The following LMF1 variants were observed in gnomAD, a reference collection of about 807,000 sequenced individuals.
LMF1 encodes the protein transmembrane protein 112.
LMF1 carries 68 observed loss-of-function variants against 60.6 expected under a neutral mutation model. The ratio of observed to expected loss-of-function variants is 1.12; its 90% confidence interval spans 0.92 to 1.37. The LOEUF is 1.37. Ranked by LOEUF, LMF1 falls within the 40% of genes most tolerant of loss-of-function variation. The pLI, the probability that LMF1 is intolerant of heterozygous loss-of-function variation, is 0.00. For synonymous variants in LMF1, 418 were observed against 324.7 expected, an observed-to-expected ratio of 1.29 and a Z score of -3.09; for missense variants, 948 against 767.2, an observed-to-expected ratio of 1.24 and a Z score of -2.78.
At chr16:926,317 G>A (rs1236544779) in intron 3 of LMF1, among the ~76,000 whole-genome samples, 9 of 152,270 alleles carry the variant, frequency 5.9e-5, no homozygotes, top group South Asian at 2.1e-4. Context: ...ATGTATGTGC[G>A]TGTTTGCATA....
intron 5 of LMF1, among the ~76,000 whole-genome samples, chr16:889,921 C>CCCCTCTG (rs750961956): frequency 1.3e-5 from 2 of 152,198 alleles, no homozygotes; most frequent in Non-Finnish European, 2.9e-5. Flanking sequence ...CAGCTGAGGA[C>CCCCTCTG]CCCTCTGCCT....
intron 1 of LMF1, among the ~76,000 whole-genome samples, chr16:966,165 G>A (rs1258173814): frequency 6.6e-6 from 1 of 152,166 alleles, no homozygotes; most frequent in South Asian, 2.1e-4. Flanking sequence ...TCAGGACCAC[G>A]GTCAGGAAGA....
intron 10 of LMF1, among the ~76,000 whole-genome samples, chr16:863,099 A>C (rs150069951): frequency 1.3e-5 from 2 of 152,244 alleles, no homozygotes; most frequent in East Asian, 1.9e-4. Flanking sequence ...CCAAGTTATA[A>C]AATTTATGTA....
chr16:863,107 G>A (rs1204788605), intron 10 of LMF1, among the ~76,000 whole-genome samples: 1 of 152,194 alleles, frequency 6.6e-6, no homozygotes, highest in East Asian at 1.9e-4. Flanking sequence ...TAAAATTTAT[G>A]TATGTAGATG....
intron 5 of LMF1, among the ~76,000 whole-genome samples, chr16:885,890 A>G (rs944583085): frequency 1.3e-5 from 2 of 152,252 alleles, no homozygotes; most frequent in Admixed American, 6.5e-5. Context: ...ATCCTGACAG[A>G]ACACTGTCTG....
chr16:974,424 G>A (rs564551858), upstream of LMF1, among the ~76,000 whole-genome samples: 8 of 152,316 alleles, frequency 5.3e-5, no homozygotes, highest in Non-Finnish European at 1.0e-4. Context: ...AAGAGAAAAA[G>A]CCAGGCTGAC....
intron 2 of LMF1, among the ~76,000 whole-genome samples, chr16:953,990 CCAA>C (rs2072587546): frequency 3.1e-5 from 3 of 97,394 alleles, no homozygotes; most frequent in African/African-American, 7.7e-5. Context: ...CACAGACACC[CCAA>C]ACCAGCCTCC....
Position 871,333 on chromosome 16 carries a change from G to A in LMF1, c.906C>T (p.Leu302=), listed in dbSNP as rs779295746. 2.5e-6 allele frequency: 4 copies of A among 1,612,150 alleles called. No homozygotes were observed. The South Asian group carries it at 3.3e-5, about 13-fold the overall frequency. Reference sequence around the variant, plus strand: ...GGAAGCTGAGGTTCCCGCTGACGATGAGGACGGCCTGTGGAGACGCCGCAG... The same window carrying A: ...GGAAGCTGAGGTTCCCGCTGACGATAAGGACGGCCTGTGGAGACGCCGCAG... ...GVLQILFQAV[L]IVSGNLSFLN... The change falls in exon 7 of 11, where the codon CTC becomes CTT. Residue 302 remains leucine, a synonymous_variant. Transcript: ENST00000262301.
chr16:906,143 T>C (rs889550124), intron 4 of LMF1, among the ~76,000 whole-genome samples: 6 of 152,250 alleles, frequency 3.9e-5, no homozygotes, highest in African/African-American at 1.4e-4. Context: ...CTCAGTTGAA[T>C]TGACTTGGTG....
chr16:861,102 C>T (rs377191042), intron 10 of LMF1, among the ~76,000 whole-genome samples: 2 of 152,094 alleles, frequency 1.3e-5, no homozygotes, highest in East Asian at 1.9e-4. Context: ...TTCCAACCCA[C>T]GAACGCGGCC....
At position 878,088 on chromosome 16, in the gene LMF1, G is replaced by A. The variant is rs536042161; in HGVS notation, c.897+1482C>T. Among the ~76,000 whole-genome samples, 6 of 151,376 alleles carry A rather than the reference G, an allele frequency of 4.0e-5. No individual in the cohort carries two copies. Among genetic ancestry groups the A allele is most frequent in the South Asian group, 4.2e-4 (2 of 4,776 alleles). On this transcript the variant is annotated intron_variant, in intron 6 of 10. Transcript: ENST00000262301. This position sits in a 1 kb window ranked among gnomAD's most constrained non-coding sequence, Gnocchi z 5.2. ...AGCTATTCCAGGAGCCCCCAGACGC[G>A]CGTGGGGTCCAGCCACATGGAATCC...
intron 10 of LMF1, among the ~76,000 whole-genome samples, chr16:868,184 C>G (rs1212863748): frequency 6.6e-6 from 1 of 152,128 alleles, no homozygotes; most frequent in Non-Finnish European, 1.5e-5. Context: ...CGTCTCCAAT[C>G]CTCCATGCTC....
Position 938,394 on chromosome 16 carries a change from G to A in LMF1, c.504-4140C>T, listed in dbSNP as rs139781457. 3.6e-3 allele frequency among the ~76,000 whole-genome samples: 552 copies of A among 152,132 alleles called. 2 individuals carry two copies. The highest frequency in any genetic ancestry group is 5.2e-3 in the Non-Finnish European group (354 of 67,982). On this transcript the variant is annotated intron_variant, in intron 2 of 10. Transcript: ENST00000262301. ...GGGAAGGCAGGGATGGGGCTGGACG[G>A]CGGCTCGCGGGGACAGCAGGGATGG...
At chr16:860,695 ATTT>A (rs2069437040) in intron 10 of LMF1, among the ~76,000 whole-genome samples, 3 of 151,936 alleles carry the variant, frequency 2.0e-5, no homozygotes, top group Admixed American at 6.6e-5. Flanking sequence ...GTTTTGAGTT[ATTT>A]TTGTGTGGGG....
rs112782750 is a variant in LMF1 at position 857,373 on chromosome 16, C to A, written c.1530-2667G>T. Among the ~76,000 whole-genome samples, 408 of 152,354 alleles carry A rather than the reference C, an allele frequency of 2.7e-3. 2 individuals are homozygous for A. Among genetic ancestry groups the A allele is most frequent in the African/African-American group, 9.4e-3 (389 of 41,566 alleles). ...GCCGAGTGACTCGATTTCTTGGTATCTTTGCCAGCATGTGGGGTTGTTGCT... is the reference window on the plus strand; with the variant it reads ...GCCGAGTGACTCGATTTCTTGGTATATTTGCCAGCATGTGGGGTTGTTGCT... On this transcript the variant is annotated intron_variant, in intron 10 of 10. Transcript: ENST00000262301.
intron 3 of LMF1, chr16:931,506 GCACA>G: frequency 1.8e-6 from 1 of 565,356 alleles, no homozygotes; most frequent in Non-Finnish European, 2.7e-6. Flanking sequence ...AGGAACGCAC[GCACA>G]AACTGCATTC....
chr16:863,529 G>C (rs1050158339), intron 10 of LMF1, among the ~76,000 whole-genome samples: 22 of 152,144 alleles, frequency 1.4e-4, no homozygotes, highest in African/African-American at 5.1e-4. Flanking sequence ...TCTTTTAAAA[G>C]AACCATCTCT....
chr16:922,154 G>A (rs2071448910), intron 3 of LMF1, among the ~76,000 whole-genome samples: 1 of 152,204 alleles, frequency 6.6e-6, no homozygotes, highest in South Asian at 2.1e-4. Flanking sequence ...CTTCCAGGCA[G>A]ATCGGGGCAC....
intron 2 of LMF1, among the ~76,000 whole-genome samples, chr16:938,565 G>A (rs1597035043): frequency 1.3e-5 from 2 of 152,212 alleles, no homozygotes; most frequent in Non-Finnish European, 2.9e-5. Flanking sequence ...AAATAAAATG[G>A]TAATAACAAG....
Sources: allele counts gnomAD v4.1 joint callset (sites outside exome capture counted in the v4.1 genomes callset), GRCh38; gene constraint gnomAD v4.1.1; non-coding constraint Gnocchi (gnomAD v3.1); transcripts MANE v1.5; gene names NCBI Gene and HGNC (gene_info 2026-07-23, HGNC 2026-07-21).